AGBL1: variants seen among roughly 807,000 people sequenced by gnomAD.
AGBL1 encodes cytosolic carboxypeptidase 4.
In AGBL1, 130 loss-of-function variants were observed where a neutral mutation model predicts 118.9. That is an observed-to-expected ratio of 1.09 (90% CI 0.95 to 1.26). AGBL1 has a LOEUF of 1.26. Among genes scored for constraint, AGBL1 ranks in the 50% most tolerant of loss-of-function variants. The probability of loss-of-function intolerance (pLI) is 0.00; values close to 1 mark genes in which losing one functional copy is unlikely to be tolerated. For missense variants in AGBL1, 1,584 were observed against 1,298.1 expected, an observed-to-expected ratio of 1.22 and a Z score of -3.38; for synonymous variants, 555 against 478.9, an observed-to-expected ratio of 1.16 and a Z score of -2.08.
chr15:86,728,564 C>T (rs1022360705), intron 22 of AGBL1, among the ~76,000 whole-genome samples: 1 of 152,018 alleles, frequency 6.6e-6, no homozygotes. Context: ...CATACTGAAG[C>T]CTGGGGCTAA....
intron 18 of AGBL1, among the ~76,000 whole-genome samples, chr15:86,429,270 C>A (rs1015194874): frequency 6.6e-6 from 1 of 152,218 alleles, no homozygotes; most frequent in Non-Finnish European, 1.5e-5. Context: ...AATGTGGGAT[C>A]TTGGCCTCTG....
intron 21 of AGBL1, among the ~76,000 whole-genome samples, chr15:86,596,927 G>C (rs1184383541): frequency 6.6e-6 from 1 of 152,018 alleles, no homozygotes; most frequent in East Asian, 1.9e-4. Context: ...CAAGAGCAGG[G>C]ATATTTATCT....
intron 3 of AGBL1, among the ~76,000 whole-genome samples, chr15:86,147,257 C>T (rs746051344): frequency 3.3e-5 from 5 of 152,100 alleles, no homozygotes; most frequent in Non-Finnish European, 7.4e-5. Flanking sequence ...CTCACTGGTG[C>T]TGGTTGGATA....
intron 21 of AGBL1, among the ~76,000 whole-genome samples, chr15:86,578,932 T>A (rs542229362): frequency 6.6e-6 from 1 of 152,310 alleles, no homozygotes; most frequent in East Asian, 1.9e-4. Context: ...AGCTTTAGGC[T>A]AAACTTAATT....
In AGBL1 at chr15:86,258,017, G is replaced by A. The variant is rs781375714; in HGVS notation, c.955G>A (p.Asp319Asn). 6.2e-7 allele frequency: 1 copy of A among 1,613,712 alleles called. No individual in the cohort carries two copies. Among genetic ancestry groups the A allele is most frequent in the South Asian group, 1.1e-5 (1 of 91,050 alleles). Residue 319 changes from aspartate to asparagine, a missense_variant, in exon 9 of 23, where the codon GAT (aspartate) becomes AAT (asparagine). Asp to Asn is a conservative substitution (Grantham distance 23). Coordinates refer to ENST00000614907, the MANE Select transcript of AGBL1 (RefSeq NM_001386094.1). ...AGTGGACAAAGACTCTGATACTGAA[G>A]ATGGGAAAGTGGAAGTAGGTACACC... ...DEVDKDSDTE[D>N]GKVEDDDLET...
chr15:86,219,843 A>G (rs190538039), intron 5 of AGBL1, among the ~76,000 whole-genome samples: 1 of 151,132 alleles, frequency 6.6e-6, no homozygotes, highest in Non-Finnish European at 1.5e-5. Flanking sequence ...GCACAGAGAG[A>G]TATTTTAGAT....
At position 86,522,988 on chromosome 15, in the gene AGBL1, T is replaced by C. The variant is rs1468212253; in HGVS notation, c.2685+49T>C. 4 of 1,579,536 alleles carry C rather than the reference T, an allele frequency of 2.5e-6. No individual in the cohort carries two copies. In the Admixed American group the frequency reaches 6.7e-5, roughly 26 times the overall value. Reference sequence around the variant, plus strand: ...ACCTTCCTGGCTGCTTCCTTCTACCTTCCAGGAAGCAGAGTATATTCTGCC... The same window carrying C: ...ACCTTCCTGGCTGCTTCCTTCTACCCTCCAGGAAGCAGAGTATATTCTGCC... On this transcript the variant is annotated intron_variant, in intron 19 of 22. Transcript: ENST00000614907.
intron 18 of AGBL1, among the ~76,000 whole-genome samples, chr15:86,498,499 C>T (rs1286584336): frequency 6.6e-6 from 1 of 151,930 alleles, no homozygotes; most frequent in Non-Finnish European, 1.5e-5. Context: ...ACTATGTTAC[C>T]ATATTTTTCT....
chr15:86,737,707 C>G (rs2077621630), intron 22 of AGBL1, among the ~76,000 whole-genome samples: 1 of 152,186 alleles, frequency 6.6e-6, no homozygotes, highest in East Asian at 1.9e-4. Context: ...CATACTGCTG[C>G]TCTGCTCCTT....
intron 22 of AGBL1, among the ~76,000 whole-genome samples, chr15:86,787,890 T>A (rs983138234): frequency 3.3e-5 from 5 of 152,228 alleles, no homozygotes; most frequent in Non-Finnish European, 7.3e-5. Context: ...TTGATTTTTT[T>A]AAATGTTGAT....
intron 21 of AGBL1, among the ~76,000 whole-genome samples, chr15:86,593,031 C>G (rs1306307212): frequency 6.6e-6 from 1 of 152,142 alleles, no homozygotes; most frequent in Non-Finnish European, 1.5e-5. Context: ...CCCTTTATCT[C>G]TATCCTCTCT....
chr15:86,811,409 G>A (rs191999875), intron 22 of AGBL1, among the ~76,000 whole-genome samples: 180 of 152,310 alleles, frequency 1.2e-3, no homozygotes, highest in African/African-American at 4.2e-3. Flanking sequence ...GGATGTGACC[G>A]TGGTTCTTTT....
intron 5 of AGBL1, among the ~76,000 whole-genome samples, chr15:86,188,948 A>G (rs1290829505): frequency 6.6e-6 from 1 of 152,234 alleles, no homozygotes; most frequent in African/African-American, 2.4e-5. Flanking sequence ...TTGAAGAGAC[A>G]TTAAGTATCC....
chr15:86,213,168 C>CT lies in AGBL1; in HGVS notation c.489-11739dup, dbSNP rs968360475. ...AGAGTTCCTCAAAACTAAAAGATCT[C>CT]TTTTTTTAGGTGATAGTCCTTAGTT... On this transcript the variant is annotated intron_variant, in intron 5 of 22. Transcript: ENST00000614907. 3.9e-5 allele frequency among the ~76,000 whole-genome samples: 6 copies of CT among 152,142 alleles called. No homozygotes were observed. The South Asian group carries it at 6.2e-4, about 16-fold the overall frequency.
intron 18 of AGBL1, among the ~76,000 whole-genome samples, chr15:86,474,186 A>G (rs2082519799): frequency 1.3e-5 from 2 of 152,112 alleles, no homozygotes; most frequent in African/African-American, 4.8e-5. Flanking sequence ...TTTCCAACTG[A>G]GGTACCGGGT....
chr15:86,711,948 C>G (rs1194265611), intron 22 of AGBL1, among the ~76,000 whole-genome samples: 2 of 152,148 alleles, frequency 1.3e-5, no homozygotes, highest in African/African-American at 4.8e-5. Context: ...TTCATTTGCT[C>G]TCTTAACAGC....
chr15:86,884,670 G>C (rs946909310), intron 22 of AGBL1, among the ~76,000 whole-genome samples: 2 of 152,144 alleles, frequency 1.3e-5, no homozygotes, highest in African/African-American at 4.8e-5. Context: ...AAATCAGCCA[G>C]ATCTGGTGGT....
chr15:86,383,132 G>C (rs1490844279), intron 17 of AGBL1, among the ~76,000 whole-genome samples: 2 of 151,462 alleles, frequency 1.3e-5, no homozygotes, highest in Non-Finnish European at 2.9e-5. Flanking sequence ...CTCATGTGGT[G>C]GTTTTTCTGC....
intron 22 of AGBL1, among the ~76,000 whole-genome samples, chr15:86,737,611 G>A (rs1024072106): frequency 2.0e-5 from 3 of 152,042 alleles, no homozygotes; most frequent in Admixed American, 6.5e-5. Context: ...TTCCTCCTAC[G>A]TAGGGTATGT....
Sources: gnomAD v4.1 joint callset for allele counts (sites outside exome capture counted in the v4.1 genomes callset) on GRCh38, gnomAD v4.1.1 for gene constraint, MANE v1.5 for transcripts, NCBI Gene and HGNC (gene_info 2026-07-23, HGNC 2026-07-21) for gene names.